Variants in CWC22 observed in about 807,000 individuals in gnomAD.
CWC22 encodes CWC22 spliceosome associated protein.
In CWC22, 53 loss-of-function variants were observed where a neutral mutation model predicts 117.2. The observed-to-expected ratio is 0.45, with a 90% CI of 0.36 to 0.57. The LOEUF is 0.57. CWC22 is among the 20% of genes least tolerant of loss of function. The pLI is 0.00. For synonymous variants in CWC22, 360 were observed against 355.6 expected, an observed-to-expected ratio of 1.01 and a Z score of -0.14; for missense variants, 980 against 1,068.8, an observed-to-expected ratio of 0.92 and a Z score of 1.16.
At chr2:179,983,624 T>A (rs1687340792) in intron 4 of CWC22, among the ~76,000 whole-genome samples, 3 of 152,154 alleles carry the variant, frequency 2.0e-5, no homozygotes, top group South Asian at 2.1e-4. Context: ...TTTGGGTATA[T>A]ACCCAGTAAT....
At chr2:179,996,222 A>G (rs1687693857) in intron 1 of CWC22, among the ~76,000 whole-genome samples, 1 of 152,234 alleles carries the variant, frequency 6.6e-6, no homozygotes, top group South Asian at 2.1e-4. Context: ...TTAAGGAAAA[A>G]GACAATCAAA....
intron 16 of CWC22, among the ~76,000 whole-genome samples, chr2:179,952,878 A>G (rs548561474): frequency 6.6e-6 from 1 of 152,240 alleles, no homozygotes; most frequent in South Asian, 2.1e-4. Flanking sequence ...TGAGCATATA[A>G]TGGTAAAGAT....
chr2:179,998,801 A>T (rs1687773591), intron 1 of CWC22, among the ~76,000 whole-genome samples: 1 of 152,106 alleles, frequency 6.6e-6, no homozygotes, highest in African/African-American at 2.4e-5. Flanking sequence ...ATGAGCAAAA[A>T]ATAAAAATAA....
Position 179,970,523 on chromosome 2 carries a change from C to T in CWC22, c.1188G>A (p.Glu396=), listed in dbSNP as rs1447025501. The stretch of plus-strand genomic sequence containing the variant: ...TACCTTTCTTAATAGCTTTGTACTT[C>T]TCTTCATTCTCCATAAAATTAGGAT... ...KMDPNFMENE[E]KYKAIKKEIL... The change falls in exon 11 of 20, where the codon GAG becomes GAA. Residue 396 remains glutamate (E), a synonymous_variant. Coordinates refer to ENST00000410053, the MANE Select transcript of CWC22 (RefSeq NM_020943.3). The T allele has an allele frequency of 1.3e-6, 2 of 1,541,084 alleles. No homozygotes were observed. The highest frequency in any genetic ancestry group is 2.5e-5 in the East Asian group (1 of 40,806).
chr2:179,957,694 A>G (rs1233213164), intron 14 of CWC22, among the ~76,000 whole-genome samples: 1 of 151,954 alleles, frequency 6.6e-6, no homozygotes, highest in Non-Finnish European at 1.5e-5. Context: ...ACAGCCCATC[A>G]GAGCTGATAC....
At chr2:179,959,923 A>G (rs1362918120) in intron 13 of CWC22, among the ~76,000 whole-genome samples, 1 of 152,068 alleles carries the variant, frequency 6.6e-6, no homozygotes, top group Non-Finnish European at 1.5e-5. Context: ...AAAAATAAAA[A>G]TAAGAGGTAT....
At chr2:179,978,441 T>C in intron 5 of CWC22, 123 bp from the exon 6 acceptor site, 1 of 1,024,508 alleles carries the variant, frequency 9.8e-7, no homozygotes, top group Non-Finnish European at 1.3e-6. Context: ...GACCCCCAAG[T>C]ACAGTAAAAT....
chr2:180,006,098 T>C (rs1458117758), intron 1 of CWC22, among the ~76,000 whole-genome samples: 1 of 152,218 alleles, frequency 6.6e-6, no homozygotes, highest in Non-Finnish European at 1.5e-5. Context: ...AAGGTAAGTC[T>C]AAATACAGAT....
intron 1 of CWC22, among the ~76,000 whole-genome samples, chr2:179,999,115 G>C (rs1687781875): frequency 6.6e-6 from 1 of 152,102 alleles, no homozygotes; most frequent in African/African-American, 2.4e-5. Context: ...TGGTAAAGTA[G>C]ACTGCTATCA....
chr2:179,952,819 T>C (rs1351172405), intron 16 of CWC22, among the ~76,000 whole-genome samples: 1 of 152,016 alleles, frequency 6.6e-6, no homozygotes, highest in Non-Finnish European at 1.5e-5. Context: ...TAGATTTCAT[T>C]CTCTGTTTTG....
In CWC22 at chr2:179,981,998, C is replaced by G. The variant is rs1224611762; in HGVS notation, c.207-1G>C. 1 of 1,495,982 alleles carries G rather than the reference C, an allele frequency of 6.7e-7. No individual in the cohort carries two copies. Among genetic ancestry groups the G allele is most frequent in the African/African-American group, 1.4e-5 (1 of 71,192 alleles). The allele number at this position is 1,495,982 out of a possible 1,614,324, so 92.7% of individuals were successfully genotyped here. A position where few individuals can be genotyped will look rare whatever the true frequency, so the allele number is the denominator to read the frequency against. On this transcript the variant is annotated splice_acceptor_variant, in intron 4 of 19. Coordinates refer to ENST00000410053, the MANE Select transcript of CWC22 (RefSeq NM_020943.3). LOFTEE classifies it high-confidence loss of function. The stretch of plus-strand genomic sequence containing the variant: ...TCTGCGTTTTTCTCGGTCCCTGTTT[C>G]TGTAATATAAATTTTTTGAAGAGCA...
At chr2:179,964,460 TTA>T (rs1686836836) in intron 13 of CWC22, 85 bp downstream of exon 13, 3 of 666,628 alleles carry the variant, frequency 4.5e-6, no homozygotes, top group Non-Finnish European at 7.6e-6. Flanking sequence ...CAGTTTTCTG[TTA>T]TGAGACCCTA....
chr2:180,004,333 T>C (rs1172023985), intron 1 of CWC22, among the ~76,000 whole-genome samples: 1 of 152,224 alleles, frequency 6.6e-6, no homozygotes, highest in Non-Finnish European at 1.5e-5. Flanking sequence ...TACAAGCCAC[T>C]GTAGGTCATT....
intron 5 of CWC22, among the ~76,000 whole-genome samples, chr2:179,979,854 A>G (rs1239433969): frequency 1.3e-5 from 2 of 152,212 alleles, no homozygotes; most frequent in African/African-American, 4.8e-5. Context: ...TTATTAAACT[A>G]ATCAAACGGC....
Position 179,981,893 on chromosome 2 carries a change from GTTA to G in CWC22, c.308_310del (p.Val103_Thr104delinsAla), listed in dbSNP as rs1020239000. ...TTCATCCTGAGCAGAGGAACTCTGA[GTTA>G]CTGATGTTTCTGGGTTTCTCCTCCC... On this transcript the variant is annotated inframe_deletion, in exon 5 of 20. Coordinates refer to ENST00000410053, the MANE Select transcript of CWC22 (RefSeq NM_020943.3). The G allele has an allele frequency of 1.2e-6, 2 of 1,606,468 alleles. No individual in the cohort carries two copies.
intron 16 of CWC22, among the ~76,000 whole-genome samples, chr2:179,953,038 T>G (rs1231044806): frequency 6.6e-6 from 1 of 152,120 alleles, no homozygotes; most frequent in African/African-American, 2.4e-5. Flanking sequence ...ATTCTGAATA[T>G]TAAGACTGTG....
At chr2:179,984,132 C>T (rs1456538979) in intron 4 of CWC22, among the ~76,000 whole-genome samples, 2 of 152,064 alleles carry the variant, frequency 1.3e-5, no homozygotes, top group African/African-American at 2.4e-5. Flanking sequence ...TAGAGTTATA[C>T]TGAAGTACAA....
rs374797884 is a variant in CWC22 at position 179,945,641 on chromosome 2, T to C, written c.2215A>G (p.Thr739Ala). ...CTTTCTTTTTGTTTCCTATCATTTG[T>C]TTGCTGGTTTCTGATCAATTTATCT... ...EVDKLIRNQQ[T>A]NDRKQKERRQ... Residue 739 changes from threonine (T) to alanine (A), a missense_variant, in exon 20 of 20, where the codon ACA (threonine) becomes GCA (alanine). By Grantham distance (58) the Thr-to-Ala change is moderately conservative. Coordinates refer to ENST00000410053, the MANE Select transcript of CWC22 (RefSeq NM_020943.3). 20 of 1,612,470 alleles carry C rather than the reference T, an allele frequency of 1.2e-5. No individual in the cohort carries two copies. Among genetic ancestry groups the C allele is most frequent in the East Asian group, 4.5e-5 (2 of 44,862 alleles).
At chr2:179,966,450 G>A (rs1686892058) in intron 11 of CWC22, among the ~76,000 whole-genome samples, 1 of 152,134 alleles carries the variant, frequency 6.6e-6, no homozygotes, top group Non-Finnish European at 1.5e-5. Context: ...GCATAATTTA[G>A]TGTTCACTTG....
Sources: allele counts gnomAD v4.1 joint callset (sites outside exome capture counted in the v4.1 genomes callset), GRCh38; gene constraint gnomAD v4.1.1; transcripts MANE v1.5; gene names NCBI Gene and HGNC (gene_info 2026-07-23, HGNC 2026-07-21).